The following ADAMTS12 variants were observed in gnomAD, a reference collection of about 807,000 sequenced individuals.
The protein encoded by ADAMTS12 is A disintegrin and metalloproteinase with thrombospondin motifs 12.
In ADAMTS12, 118 loss-of-function variants were observed where a neutral mutation model predicts 167.8. That is an observed-to-expected ratio of 0.70 (90% CI 0.61 to 0.82). ADAMTS12 has a LOEUF of 0.82. Among genes scored for constraint, ADAMTS12 ranks in the 40% least tolerant of loss-of-function variants. The pLI is 0.00. For missense variants in ADAMTS12, 1,916 were observed against 1,998.8 expected (o/e 0.96, Z 0.79); for synonymous variants, 704 against 716.9 (o/e 0.98, Z 0.29).
chr5:33,616,021 A>G lies in ADAMTS12; in HGVS notation c.2195T>C (p.Met732Thr). Residue 732 changes from methionine (M) to threonine (T), a missense_variant, in exon 15 of 24, where the codon ATG (methionine) becomes ACG (threonine). By Grantham distance (81) the Met-to-Thr change is moderately conservative. Transcript: ENST00000504830. ...GAAGTTTCCAGCTCCCTCAATTTCC[A>G]TCACTCTTATGTCCCTTGCTCCTTT... ...IPKGARDIRV[M>T]EIEGAGNFLA... 1.2e-6 allele frequency: 2 copies of G among 1,614,170 alleles called. No homozygotes were observed. Among genetic ancestry groups the G allele is most frequent in the African/African-American group, 1.3e-5 (1 of 75,052 alleles).
At chr5:33,847,171 T>C (rs899529372) in intron 2 of ADAMTS12, among the ~76,000 whole-genome samples, 8 of 152,220 alleles carry the variant, frequency 5.3e-5, no homozygotes. Context: ...AAGGAAAATG[T>C]TAAAGGTGCT....
chr5:33,693,171 C>T (rs1040472482), intron 3 of ADAMTS12, among the ~76,000 whole-genome samples: 3 of 152,178 alleles, frequency 2.0e-5, no homozygotes, highest in Admixed American at 2.0e-4. Flanking sequence ...GGCATAAATA[C>T]ATTTATGTTC....
chr5:33,855,231 G>T (rs1381483178), intron 2 of ADAMTS12, among the ~76,000 whole-genome samples: 1 of 152,192 alleles, frequency 6.6e-6, no homozygotes, highest in Non-Finnish European at 1.5e-5. Flanking sequence ...GTGGTATGAG[G>T]CATGTCCCCT....
intron 2 of ADAMTS12, among the ~76,000 whole-genome samples, chr5:33,804,940 A>G (rs11741564): frequency 0.28 from 42,315 of 152,056 alleles, 6,067 homozygotes; most frequent in South Asian, 0.39. Context: ...AATGGGGATC[A>G]GCACAGCAAA....
At chr5:33,798,739 G>A (rs530242087) in intron 2 of ADAMTS12, among the ~76,000 whole-genome samples, 3 of 151,870 alleles carry the variant, frequency 2.0e-5, no homozygotes, top group Non-Finnish European at 2.9e-5. Flanking sequence ...CACTCCTAGC[G>A]GCTTCTTATA....
At position 33,734,765 on chromosome 5, in the gene ADAMTS12, T is replaced by C. The variant is rs148138415; in HGVS notation, c.634+16639A>G. On this transcript the variant is annotated intron_variant, in intron 3 of 23. Coordinates refer to ENST00000504830, the MANE Select transcript of ADAMTS12 (RefSeq NM_030955.4). ...CAAAACGGTGGGTGGGGGAGGAGGC[T>C]GAGTGTTCCACTGGAAGAAACATCA... 9.3e-3 allele frequency among the ~76,000 whole-genome samples: 1,423 copies of C among 152,282 alleles called. 25 individuals carry two copies. Among genetic ancestry groups the C allele is most frequent in the African/African-American group, 0.033 (1,379 of 41,560 alleles).
intron 1 of ADAMTS12, among the ~76,000 whole-genome samples, chr5:33,885,789 C>T (rs1317471985): frequency 1.3e-5 from 2 of 152,224 alleles, no homozygotes; most frequent in South Asian, 2.1e-4. Flanking sequence ...GAGTAGAGCT[C>T]GAGGTCTTCT....
intron 9 of ADAMTS12, 25 bp downstream of exon 9, chr5:33,648,797 T>A (rs1185714925): frequency 6.2e-7 from 1 of 1,613,796 alleles, no homozygotes; most frequent in Non-Finnish European, 8.5e-7. Flanking sequence ...AAGCCCTGCA[T>A]ATAGCCACCA....
intron 1 of ADAMTS12, among the ~76,000 whole-genome samples, chr5:33,884,955 T>G (rs1176366992): frequency 6.6e-6 from 1 of 152,176 alleles, no homozygotes; most frequent in East Asian, 1.9e-4. Flanking sequence ...CAATCACATT[T>G]TAAAACATGA....
chr5:33,787,998 A>G (rs947727788), intron 2 of ADAMTS12, among the ~76,000 whole-genome samples: 2 of 152,156 alleles, frequency 1.3e-5, no homozygotes, highest in Admixed American at 6.5e-5. Context: ...AACGGGAGGG[A>G]AATGGCAACA....
intron 2 of ADAMTS12, among the ~76,000 whole-genome samples, chr5:33,774,998 C>T (rs1745867308): frequency 4.6e-5 from 7 of 152,096 alleles, no homozygotes; most frequent in Admixed American, 4.6e-4. Context: ...TCTTAGTCTC[C>T]AGTTCAAACC....
intron 2 of ADAMTS12, among the ~76,000 whole-genome samples, chr5:33,779,304 GCCTC>G (rs1746031105): frequency 6.6e-6 from 1 of 151,136 alleles, no homozygotes; most frequent in South Asian, 2.1e-4. Flanking sequence ...TCCTGCCTCA[GCCTC>G]CTGAGTAGCT....
At chr5:33,732,297 C>T (rs1744221264) in intron 3 of ADAMTS12, among the ~76,000 whole-genome samples, 2 of 151,910 alleles carry the variant, frequency 1.3e-5, no homozygotes, top group South Asian at 2.1e-4. Context: ...ACTTTGTAAG[C>T]ATAAAAAGAA....
intron 16 of ADAMTS12, among the ~76,000 whole-genome samples, chr5:33,609,265 G>A (rs1738596802): frequency 1.3e-5 from 2 of 151,812 alleles, no homozygotes; most frequent in African/African-American, 4.8e-5. Context: ...AGAAAATATA[G>A]GATCATATCT....
At chr5:33,779,434 C>T (rs1040073107) in intron 2 of ADAMTS12, among the ~76,000 whole-genome samples, 8 of 152,132 alleles carry the variant, frequency 5.3e-5, no homozygotes, top group African/African-American at 1.9e-4. Flanking sequence ...GATCCACCCA[C>T]CTTGGCCTCC....
intron 5 of ADAMTS12, among the ~76,000 whole-genome samples, chr5:33,669,411 T>A (rs1741591324): frequency 6.6e-6 from 1 of 152,170 alleles, no homozygotes; most frequent in Non-Finnish European, 1.5e-5. Flanking sequence ...CTGTGAAATG[T>A]TCCACAATGA....
At chr5:33,680,580 C>A (rs978421281) in intron 5 of ADAMTS12, among the ~76,000 whole-genome samples, 3 of 151,808 alleles carry the variant, frequency 2.0e-5, no homozygotes, top group African/African-American at 7.3e-5. Flanking sequence ...ATGTGCTCAA[C>A]CAGTATGAAA....
At position 33,689,837 on chromosome 5, in the gene ADAMTS12, G is replaced by T. The variant is rs1742487176; in HGVS notation, c.635-5782C>A. 2.0e-5 allele frequency among the ~76,000 whole-genome samples: 3 copies of T among 152,176 alleles called. No homozygotes were observed. In the South Asian group the frequency reaches 6.2e-4, roughly 32 times the overall value. On this transcript the variant is annotated intron_variant, in intron 3 of 23. Coordinates refer to ENST00000504830, the MANE Select transcript of ADAMTS12 (RefSeq NM_030955.4). ...AATTCCTATTTTTTTAAGGGTCATG[G>T]AACCTTTCCTTGATACAAAGATTAT... is the stretch of plus-strand genomic sequence containing the variant.
chr5:33,800,000 C>T (rs988514889), intron 2 of ADAMTS12, among the ~76,000 whole-genome samples: 2 of 152,112 alleles, frequency 1.3e-5, no homozygotes, highest in Non-Finnish European at 2.9e-5. Flanking sequence ...TTCCTGGGTC[C>T]GGGACTGTGG....
Sources: gnomAD v4.1 joint callset for allele counts (sites outside exome capture counted in the v4.1 genomes callset) on GRCh38, gnomAD v4.1.1 for gene constraint, MANE v1.5 for transcripts, NCBI Gene and HGNC (gene_info 2026-07-23, HGNC 2026-07-21) for gene names.